Variants in GPRC6A observed in about 807,000 individuals in gnomAD.
GPRC6A encodes G protein-coupled receptor class C group 6 member A.
In GPRC6A, 54 loss-of-function variants were observed where a neutral mutation model predicts 47.0. That is an observed-to-expected ratio of 1.15 (90% confidence interval 0.92 to 1.44). The LOEUF (loss-of-function observed/expected upper bound fraction) is 1.44, where lower values mean the gene tolerates loss of function less well. Ranked by LOEUF, GPRC6A falls within the 40% of genes most tolerant of loss-of-function variation. The pLI is 0.00. For synonymous variants in GPRC6A, 347 were observed against 377.1 expected (o/e 0.92, Z 0.93); for missense variants, 1,112 against 1,105.5 (o/e 1.01, Z -0.08).
At position 116,828,938 on chromosome 6, in the gene GPRC6A, C is replaced by T. The variant is rs774619739; in HGVS notation, c.76G>A (p.Asp26Asn). 3.1e-6 allele frequency: 5 copies of T among 1,613,306 alleles called. No homozygotes were observed. Among genetic ancestry groups the T allele is most frequent in the Non-Finnish European group, 3.4e-6 (4 of 1,179,568 alleles). ...ATSQPCQTPD[D>N]FVAATSPGHI... ...CCCGGAGAAGTGGCAGCCACAAAGTCATCAGGGGTCTGGCAAGGCTGTGAA... is the reference window on the plus strand; with the variant it reads ...CCCGGAGAAGTGGCAGCCACAAAGTTATCAGGGGTCTGGCAAGGCTGTGAA... The change falls in exon 1 of 6, where the codon GAC becomes AAC. Residue 26 changes from aspartate to asparagine, a missense_variant. Coordinates refer to ENST00000310357, the MANE Select transcript of GPRC6A (RefSeq NM_148963.4).
In GPRC6A at chr6:116,793,120, G is replaced by A; in HGVS notation, c.1803C>T (p.Ser601=). The A allele has an allele frequency of 6.2e-7, 1 of 1,613,946 alleles. No individual in the cohort carries two copies. The highest frequency in any genetic ancestry group is 8.5e-7 in the Non-Finnish European group (1 of 1,179,866). Residue 601 remains serine (S), a synonymous_variant, in exon 6 of 6, where the codon TCC becomes TCT. Transcript: ENST00000310357. ...DSLAILLLIL[S]LLGIIFVLVV... ...CCAGAACAAATATGATTCCCAGTAG[G>A]GAGAGAATCAGGAGTAGGATGGCCA...
chr6:116,822,430 T>C (rs1773522914), intron 1 of GPRC6A, among the ~76,000 whole-genome samples: 1 of 131,820 alleles, frequency 7.6e-6, no homozygotes, highest in Non-Finnish European at 1.6e-5. Context: ...ATTGCGGCAT[T>C]ATTCACAATA....
intron 3 of GPRC6A, among the ~76,000 whole-genome samples, chr6:116,801,391 T>A (rs375352164): frequency 2.0e-5 from 3 of 152,190 alleles, no homozygotes; most frequent in Admixed American, 1.3e-4. Flanking sequence ...ATAGCCATAC[T>A]GAGGTTGTGC....
intron 3 of GPRC6A, 53 bp from the exon 4 acceptor site, chr6:116,800,849 TC>T: frequency 1.9e-6 from 2 of 1,071,058 alleles, no homozygotes; most frequent in Non-Finnish European, 2.8e-6. Context: ...TGCAAATGTA[TC>T]CATTATTCTA....
chr6:116,815,201 G>A (rs374892535), intron 1 of GPRC6A, among the ~76,000 whole-genome samples: 10 of 152,082 alleles, frequency 6.6e-5, no homozygotes, highest in East Asian at 1.9e-4. Flanking sequence ...ACAAACTTAC[G>A]ACCAGGCATG....
At chr6:116,801,683 A>C (rs949809725) in intron 3 of GPRC6A, among the ~76,000 whole-genome samples, 11 of 152,178 alleles carry the variant, frequency 7.2e-5, no homozygotes, top group Non-Finnish European at 1.6e-4. Context: ...TATAAAAAAT[A>C]AGTTATATTT....
At chr6:116,817,853 C>G (rs1773283520) in intron 1 of GPRC6A, among the ~76,000 whole-genome samples, 1 of 152,166 alleles carries the variant, frequency 6.6e-6, no homozygotes, top group East Asian at 1.9e-4. Flanking sequence ...AAGAAATGAG[C>G]AAAGCCTCCA....
At chr6:116,802,980 T>G (rs748810997) in intron 3 of GPRC6A, among the ~76,000 whole-genome samples, 2 of 152,148 alleles carry the variant, frequency 1.3e-5, no homozygotes, top group Non-Finnish European at 2.9e-5. Context: ...ACTTCTGGAC[T>G]AATATGCAAC....
At chr6:116,813,809 G>A (rs1158537779) in intron 1 of GPRC6A, among the ~76,000 whole-genome samples, 1 of 152,202 alleles carries the variant, frequency 6.6e-6, no homozygotes, top group Non-Finnish European at 1.5e-5. Context: ...ACTACCATTA[G>A]AGTGAACAGG....
chr6:116,794,392 G>T (rs2114576319), intron 5 of GPRC6A, among the ~76,000 whole-genome samples: 1 of 152,208 alleles, frequency 6.6e-6, no homozygotes. Context: ...GCCTCATCTA[G>T]GTATGGGAGC....
At chr6:116,811,269 C>T (rs1773014703) in intron 1 of GPRC6A, among the ~76,000 whole-genome samples, 2 of 152,098 alleles carry the variant, frequency 1.3e-5, no homozygotes. Context: ...CCCTGCCCAA[C>T]CAACACTATC....
At chr6:116,808,472 T>C (rs1490045499) in intron 2 of GPRC6A, among the ~76,000 whole-genome samples, 2 of 152,140 alleles carry the variant, frequency 1.3e-5, no homozygotes, top group Non-Finnish European at 2.9e-5. Context: ...TTTAATCGTT[T>C]TGGATTAAAT....
chr6:116,808,926 C>G (rs1218588389), intron 2 of GPRC6A, among the ~76,000 whole-genome samples: 1 of 152,102 alleles, frequency 6.6e-6, no homozygotes, highest in East Asian at 1.9e-4. Flanking sequence ...AAAGCCTTCC[C>G]ATCATATTCA....
chr6:116,816,712 T>C (rs1283715481), intron 1 of GPRC6A, among the ~76,000 whole-genome samples: 3 of 152,192 alleles, frequency 2.0e-5, no homozygotes, highest in Non-Finnish European at 4.4e-5. Flanking sequence ...GGGCGAGGCA[T>C]TGCCTCACTT....
Position 116,792,903 on chromosome 6 carries a change from T to C in GPRC6A, c.2020A>G (p.Ile674Val). The change falls in exon 6 of 6, where the codon ATC becomes GTC. Residue 674 changes from isoleucine to valine, a missense_variant. Coordinates refer to ENST00000310357, the MANE Select transcript of GPRC6A (RefSeq NM_148963.4). ...TMFGVSFTLC[I>V]SCILTKSLKI... ...AGAGACTTCGTCAAAATGCAGGAGA[T>C]GCAAAGAGTAAAGCTCACTCCAAAC... 1 of 1,614,086 alleles carries C rather than the reference T, an allele frequency of 6.2e-7. No individual in the cohort carries two copies. The highest frequency in any genetic ancestry group is 8.5e-7 in the Non-Finnish European group (1 of 1,179,980).
Position 116,809,503 on chromosome 6 carries a change from A to T in GPRC6A, c.309T>A (p.Cys103Ter). The change falls in exon 2 of 6, where the codon TGT (cysteine) becomes TGA (stop). Residue 103 changes from cysteine to a stop codon, truncating the protein, a stop_gained. Coordinates refer to ENST00000310357, the MANE Select transcript of GPRC6A (RefSeq NM_148963.4). LOFTEE classifies it high-confidence loss of function. ...CTGCCATTGCCACTGTGACTTCTGT[A>T]CAAGTGTCATAGATTTCATACCCCA... is the stretch of plus-strand genomic sequence containing the variant. The part of the protein sequence containing the change: ...VKLGYEIYDT[C>*]TEVTVAMAAT... 1.2e-6 allele frequency: 2 copies of T among 1,613,592 alleles called. No homozygotes were observed. The highest frequency in any genetic ancestry group is 4.5e-5 in the East Asian group (2 of 44,874).
In GPRC6A at chr6:116,800,798, T is replaced by A; in HGVS notation, c.1336-2A>T. On this transcript the variant is annotated splice_acceptor_variant, in intron 3 of 5. Transcript: ENST00000310357. LOFTEE classifies it high-confidence loss of function. The stretch of plus-strand genomic sequence containing the variant: ...CACATTTTTTAGCACACCAAGTAAC[T>A]ATAAAAAATAAAAACAGAGATAAGC... 1 of 1,579,902 alleles carries A rather than the reference T, an allele frequency of 6.3e-7. No homozygotes were observed. Among genetic ancestry groups the A allele is most frequent in the Non-Finnish European group, 8.7e-7 (1 of 1,152,532 alleles).
At position 116,792,208 on chromosome 6, in the gene GPRC6A, G is replaced by A. The variant is rs754174320; in HGVS notation, c.2715C>T (p.His905=). ...CACTTGTGGCATTTTCCCTGCATAT[G>A]TGTGCAAATGCTTGTGCCTGAAGAT... is the stretch of plus-strand genomic sequence containing the variant. ...SKDLQAQAFA[H]ICRENATSVS... The change falls in exon 6 of 6, where the codon CAC becomes CAT. Residue 905 remains histidine (H), a synonymous_variant. Coordinates refer to ENST00000310357, the MANE Select transcript of GPRC6A (RefSeq NM_148963.4). The A allele has an allele frequency of 3.1e-6, 5 of 1,613,786 alleles. No individual in the cohort carries two copies. In the African/African-American group the frequency reaches 5.3e-5, roughly 17 times the overall value.
At position 116,792,687 on chromosome 6, in the gene GPRC6A, C is replaced by T. The variant is rs375609098; in HGVS notation, c.2236G>A (p.Glu746Lys). 41 of 1,613,144 alleles carry T rather than the reference C, an allele frequency of 2.5e-5. No homozygotes were observed. Among genetic ancestry groups the T allele is most frequent in the Non-Finnish European group, 3.2e-5 (38 of 1,179,368 alleles). Residue 746 changes from glutamate to lysine, a missense_variant, in exon 6 of 6, where the codon GAG becomes AAG. Glu to Lys is a moderately conservative substitution (Grantham distance 56, BLOSUM62 1). Coordinates refer to ENST00000310357, the MANE Select transcript of GPRC6A (RefSeq NM_148963.4). The stretch of plus-strand genomic sequence containing the variant: ...GTGCCAAATGCAAGTATGGATCCCT[C>T]CTCACACTCCAGGATGATGACTCTG... ...LPRVIILECE[E>K]GSILAFGTML...
Sources: gnomAD v4.1 joint callset for allele counts (sites outside exome capture counted in the v4.1 genomes callset) on GRCh38, gnomAD v4.1.1 for gene constraint, MANE v1.5 for transcripts, NCBI Gene and HGNC (gene_info 2026-07-23, HGNC 2026-07-21) for gene names.